Variants in RAPGEF1 observed in about 807,000 individuals in gnomAD.
The protein encoded by RAPGEF1 is Rap guanine nucleotide exchange factor 1.
In RAPGEF1, 33 loss-of-function variants were observed where a neutral mutation model predicts 143.3. The observed-to-expected ratio is 0.23, with a 90% CI of 0.17 to 0.31. RAPGEF1 has a LOEUF of 0.31. Ranked by LOEUF, RAPGEF1 falls within the 10% of genes least tolerant of loss-of-function variation. The pLI is 1.00. For missense variants in RAPGEF1, 1,199 were observed against 1,645.4 expected, an observed-to-expected ratio of 0.73 and a Z score of 4.69; for synonymous variants, 629 against 676.5, an observed-to-expected ratio of 0.93 and a Z score of 1.09.
chr9:131,615,309 C>T (rs990633417), intron 12 of RAPGEF1, among the ~76,000 whole-genome samples: 1 of 152,300 alleles, frequency 6.6e-6, no homozygotes, highest in Non-Finnish European at 1.5e-5. Context: ...TTCCTGACCT[C>T]GTGATCCGCC....
chr9:131,626,644 A>G (rs1008465848), intron 9 of RAPGEF1, among the ~76,000 whole-genome samples: 1 of 151,898 alleles, frequency 6.6e-6, no homozygotes, highest in African/African-American at 2.4e-5. Context: ...TATTTTTTAC[A>G]TTTCTTATTT....
In RAPGEF1 at chr9:131,580,385, C is replaced by T. The variant is rs746783580; in HGVS notation, c.3519G>A (p.Leu1173=). 2.1e-5 allele frequency: 34 copies of T among 1,613,444 alleles called. No homozygotes were observed. The highest frequency in any genetic ancestry group is 4.2e-6 in the Non-Finnish European group (5 of 1,179,594). Residue 1173 remains leucine, a synonymous_variant, in exon 26 of 27, where the codon CTG becomes CTA. Transcript: ENST00000683357. ...VEPPCIPYLG[L]ILQDLTFVHL... is the part of the protein sequence containing the mutation. ...GAACGAAGGTCAGGTCCTGCAGGAT[C>T]AGCCCCCTGGGAGGACGGGTTAGGC...
chr9:131,689,347 T>C (rs191579135), intron 1 of RAPGEF1, among the ~76,000 whole-genome samples: 58 of 152,306 alleles, frequency 3.8e-4, no homozygotes, highest in Non-Finnish European at 7.2e-4. Flanking sequence ...TTCAAGTACA[T>C]GCAGCTGGAA....
chr9:131,622,545 G>A (rs1421939346), intron 10 of RAPGEF1, among the ~76,000 whole-genome samples: 1 of 152,306 alleles, frequency 6.6e-6, no homozygotes, highest in East Asian at 1.9e-4. Context: ...CACACTGGGG[G>A]TCCAGGTATA....
In RAPGEF1 at chr9:131,679,149, G is replaced by A. The variant is rs1832699349; in HGVS notation, c.62-28200C>T. ...ACTCACACGAGGAAATCCCAACTGC[G>A]AACTCATTATGTGACAAGGGGGGGG... On this transcript the variant is annotated intron_variant, in intron 1 of 26. Transcript: ENST00000683357. Among the ~76,000 whole-genome samples the A allele has an allele frequency of 2.8e-5, 4 of 144,854 alleles. No individual in the cohort carries two copies. In the South Asian group the frequency reaches 7.1e-4, roughly 26 times the overall value.
At position 131,621,883 on chromosome 9, in the gene RAPGEF1, T is replaced by C. The variant is rs770194026; in HGVS notation, c.1818A>G (p.Val606=). The change falls in exon 11 of 27, where the codon GTA becomes GTG. Residue 606 remains valine, a synonymous_variant. Coordinates refer to ENST00000683357, the MANE Select transcript of RAPGEF1 (RefSeq NM_001377935.1). This position sits in a 1 kb window ranked among gnomAD's most constrained non-coding sequence, Gnocchi z 4.5. ...CACTGAAGGAGTCGCTGAAGCCGTA[T>C]ACCTCCATGAGGAGCTTGTTCTTCT... The part of the protein sequence containing the change: ...YQQKNKLLME[V]YGFSDSFSGV... 1.9e-5 allele frequency: 31 copies of C among 1,613,428 alleles called. No individual in the cohort carries two copies. The highest frequency in any genetic ancestry group is 2.5e-5 in the Non-Finnish European group (29 of 1,179,674).
At chr9:131,611,887 A>C (rs1445136824) in intron 12 of RAPGEF1, among the ~76,000 whole-genome samples, 2 of 152,134 alleles carry the variant, frequency 1.3e-5, no homozygotes, top group Non-Finnish European at 2.9e-5. Context: ...GCAATTAAGC[A>C]GTTCAAAAAT....
At chr9:131,689,027 C>G (rs538704083) in intron 1 of RAPGEF1, among the ~76,000 whole-genome samples, 21 of 152,206 alleles carry the variant, frequency 1.4e-4, no homozygotes, top group Non-Finnish European at 2.6e-4. Context: ...TTTGAGATGT[C>G]AATTTTTAAA....
intron 1 of RAPGEF1, among the ~76,000 whole-genome samples, chr9:131,726,679 T>G (rs1836695713): frequency 6.9e-6 from 1 of 144,952 alleles, no homozygotes; most frequent in Non-Finnish European, 1.5e-5. Flanking sequence ...GGGAGAAGGG[T>G]ATGACTGCAA....
At chr9:131,611,799 C>T (rs1958054134) in intron 12 of RAPGEF1, among the ~76,000 whole-genome samples, 1 of 152,206 alleles carries the variant, frequency 6.6e-6, no homozygotes, top group Admixed American at 6.5e-5. Flanking sequence ...CTCTCAACGT[C>T]CAGCCTACAC....
chr9:131,687,022 T>A (rs1266054296), intron 1 of RAPGEF1, among the ~76,000 whole-genome samples: 1 of 152,118 alleles, frequency 6.6e-6, no homozygotes, highest in Non-Finnish European at 1.5e-5. Flanking sequence ...ACCAATAGGA[T>A]CCGTTATGTT....
chr9:131,597,585 A>C (rs1178701135), intron 16 of RAPGEF1, among the ~76,000 whole-genome samples: 1 of 152,210 alleles, frequency 6.6e-6, no homozygotes, highest in Non-Finnish European at 1.5e-5. Flanking sequence ...CTAGCACTGC[A>C]CGGCAGGAGG....
At chr9:131,596,459 G>A in intron 16 of RAPGEF1, 86 bp from the exon 17 acceptor site, 1 of 1,354,970 alleles carries the variant, frequency 7.4e-7, no homozygotes, top group Non-Finnish European at 1.0e-6. Flanking sequence ...GGAATGAGAT[G>A]ACAAAATGCC....
chr9:131,606,304 T>C (rs1238531178), intron 12 of RAPGEF1, among the ~76,000 whole-genome samples: 2 of 152,186 alleles, frequency 1.3e-5, no homozygotes. Flanking sequence ...AATCTAATGA[T>C]GTGATGTCAT....
At chr9:131,714,429 G>A (rs1046179232) in intron 1 of RAPGEF1, among the ~76,000 whole-genome samples, 2 of 151,928 alleles carry the variant, frequency 1.3e-5, no homozygotes, top group South Asian at 4.2e-4. Flanking sequence ...AACAGAGGCT[G>A]GGCTCTCAGG....
At chr9:131,648,430 A>C (rs926702529) in intron 3 of RAPGEF1, among the ~76,000 whole-genome samples, 1 of 152,060 alleles carries the variant, frequency 6.6e-6, no homozygotes, top group South Asian at 2.1e-4. Context: ...AAAAACAACA[A>C]AAAGGGGGGA....
intron 3 of RAPGEF1, among the ~76,000 whole-genome samples, chr9:131,646,044 G>A (rs1969506813): frequency 6.6e-6 from 1 of 152,242 alleles, no homozygotes; most frequent in South Asian, 2.1e-4. Flanking sequence ...GAGAAAGAGG[G>A]CCTAGGATGG....
chr9:131,723,853 A>G (rs1836445721), intron 1 of RAPGEF1, among the ~76,000 whole-genome samples: 1 of 152,188 alleles, frequency 6.6e-6, no homozygotes, highest in Non-Finnish European at 1.5e-5. Flanking sequence ...GCGAGCTGCC[A>G]TACTGTTTTC....
At chr9:131,645,225 A>G (rs1351016011) in intron 3 of RAPGEF1, among the ~76,000 whole-genome samples, 1 of 152,236 alleles carries the variant, frequency 6.6e-6, no homozygotes, top group African/African-American at 2.4e-5. Context: ...CAGACCTCAG[A>G]TGTGCCTAAA....
Sources: allele counts gnomAD v4.1 joint callset (sites outside exome capture counted in the v4.1 genomes callset), GRCh38; gene constraint gnomAD v4.1.1; non-coding constraint Gnocchi (gnomAD v3.1); transcripts MANE v1.5; gene names NCBI Gene and HGNC (gene_info 2026-07-23, HGNC 2026-07-21).